Variants in FAF1 observed in about 807,000 individuals in gnomAD.
FAF1 encodes the protein Fas associated factor 1, also known as FAS-associated factor 1.
FAF1 carries 25 observed loss-of-function variants against 92.5 expected under a neutral mutation model. The observed-to-expected ratio is 0.27, with a 90% CI of 0.20 to 0.38. FAF1 has a LOEUF of 0.38. Among genes scored for constraint, FAF1 ranks in the 10% least tolerant of loss-of-function variants. FAF1 has a pLI of 1.00. For synonymous variants in FAF1, 234 were observed against 273.2 expected, an observed-to-expected ratio of 0.86 and a Z score of 1.42; for missense variants, 636 against 793.3, an observed-to-expected ratio of 0.80 and a Z score of 2.38.
chr1:50,754,629 T>C (rs1660003409), intron 4 of FAF1, among the ~76,000 whole-genome samples: 1 of 152,226 alleles, frequency 6.6e-6, no homozygotes, highest in Non-Finnish European at 1.5e-5. Context: ...ATTTGAACCA[T>C]AAGTTTCCCT....
At chr1:50,777,985 T>A (rs186012811) in intron 4 of FAF1, among the ~76,000 whole-genome samples, 1 of 152,340 alleles carries the variant, frequency 6.6e-6, no homozygotes, top group East Asian at 1.9e-4. Flanking sequence ...TGTTTATGTA[T>A]GCCAAAAACA....
intron 4 of FAF1, among the ~76,000 whole-genome samples, chr1:50,782,749 T>C (rs72690489): frequency 0.023 from 3,529 of 152,142 alleles, 67 homozygotes; most frequent in Non-Finnish European, 0.038. Context: ...TTAATTCTTA[T>C]TAAAGAAATA....
At chr1:50,702,967 G>T (rs767789580) in intron 7 of FAF1, among the ~76,000 whole-genome samples, 24 of 151,720 alleles carry the variant, frequency 1.6e-4, no homozygotes, top group Non-Finnish European at 2.7e-4. Flanking sequence ...GAAAAATAGT[G>T]CAAAGTTTTC....
intron 8 of FAF1, among the ~76,000 whole-genome samples, chr1:50,648,184 G>A (rs529673591): frequency 8.5e-5 from 13 of 152,266 alleles, no homozygotes; most frequent in East Asian, 7.7e-4. Flanking sequence ...CTCGAACCCC[G>A]GAGACAGAGG....
intron 2 of FAF1, among the ~76,000 whole-genome samples, chr1:50,839,205 T>C (rs1644237025): frequency 6.6e-6 from 1 of 152,154 alleles, no homozygotes; most frequent in Admixed American, 6.6e-5. Context: ...AGGAGTTCAT[T>C]TCATTTCTAC....
chr1:50,650,440 C>A (rs902564971), intron 8 of FAF1, among the ~76,000 whole-genome samples: 20 of 151,528 alleles, frequency 1.3e-4, no homozygotes, highest in African/African-American at 4.8e-4. Context: ...GCCAACACAG[C>A]GAAACCCTGT....
chr1:50,750,728 A>G (rs1659828516), intron 4 of FAF1, among the ~76,000 whole-genome samples: 2 of 146,378 alleles, frequency 1.4e-5, no homozygotes. Flanking sequence ...GGTTCAAGTG[A>G]TTTTCCTGCC....
At chr1:50,640,355 C>G (rs1400702893) in intron 8 of FAF1, among the ~76,000 whole-genome samples, 1 of 149,788 alleles carries the variant, frequency 6.7e-6, no homozygotes, top group African/African-American at 2.5e-5. Context: ...TGCAGTGGTG[C>G]GATCTCGGCT....
rs551755856 is a variant in FAF1 at position 50,642,830 on chromosome 1, T to C, written c.744+12612A>G. The stretch of plus-strand genomic sequence containing the variant: ...CCCATCTGTTCTCTGTTCCCTTTTT[T>C]TCTGTTTTCTTTTTTGTTGTTGTTG... On this transcript the variant is annotated intron_variant, in intron 8 of 18. Coordinates refer to ENST00000396153, the MANE Select transcript of FAF1 (RefSeq NM_007051.3). Among the ~76,000 whole-genome samples, 4 of 152,232 alleles carry C rather than the reference T, an allele frequency of 2.6e-5. No homozygotes were observed. In the South Asian group the frequency reaches 6.2e-4, roughly 24 times the overall value.
intron 15 of FAF1, among the ~76,000 whole-genome samples, chr1:50,523,525 G>T (rs1450475108): frequency 6.6e-6 from 1 of 152,144 alleles, no homozygotes; most frequent in South Asian, 2.1e-4. Flanking sequence ...CTGACATTGA[G>T]CATCTTTCCA....
At chr1:50,532,348 T>G (rs1329687634) in intron 15 of FAF1, among the ~76,000 whole-genome samples, 1 of 152,096 alleles carries the variant, frequency 6.6e-6, no homozygotes, top group Non-Finnish European at 1.5e-5. Context: ...GATGGAAAAA[T>G]GAACTGGGAA....
chr1:50,702,521 A>G (rs1657517368), intron 7 of FAF1, among the ~76,000 whole-genome samples: 1 of 151,990 alleles, frequency 6.6e-6, no homozygotes, highest in Non-Finnish European at 1.5e-5. Flanking sequence ...AACAGAAAAG[A>G]TTTTTCGTCT....
Position 50,441,433 on chromosome 1 carries a change from G to T in FAF1, c.*7C>A. The T allele has an allele frequency of 6.6e-7, 1 of 1,515,030 alleles. No individual in the cohort carries two copies. Among genetic ancestry groups the T allele is most frequent in the Non-Finnish European group, 8.9e-7 (1 of 1,121,534 alleles). The allele number at this position is 1,515,030 out of a possible 1,614,324, so 93.8% of individuals were successfully genotyped here. ...AAGGAATGGCTGGTTCCACCGCTGGGCCGTGTTTACTCTTTTGCTTCAAGG... is the reference window on the plus strand; with the variant it reads ...AAGGAATGGCTGGTTCCACCGCTGGTCCGTGTTTACTCTTTTGCTTCAAGG... On this transcript the variant is annotated 3_prime_UTR_variant, in exon 19 of 19. Coordinates refer to ENST00000396153, the MANE Select transcript of FAF1 (RefSeq NM_007051.3).
intron 2 of FAF1, among the ~76,000 whole-genome samples, chr1:50,843,819 C>A (rs1017939996): frequency 5.9e-5 from 9 of 152,052 alleles, no homozygotes; most frequent in African/African-American, 2.2e-4. Flanking sequence ...ATCTTGGCTA[C>A]TGTGAACAGT....
intron 18 of FAF1, chr1:50,471,077 T>C (rs1346995777): frequency 6.6e-6 from 1 of 152,236 alleles, no homozygotes; most frequent in Non-Finnish European, 1.5e-5. Context: ...GTATGAAGGC[T>C]GAAACAAGAG....
At chr1:50,876,425 C>T (rs773960796) in intron 1 of FAF1, among the ~76,000 whole-genome samples, 6 of 152,110 alleles carry the variant, frequency 3.9e-5, no homozygotes, top group Non-Finnish European at 8.8e-5. Context: ...ACAAGACGAA[C>T]CTGGAACACC....
chr1:50,632,872 T>C (rs150500578), intron 8 of FAF1, among the ~76,000 whole-genome samples: 23 of 152,298 alleles, frequency 1.5e-4, no homozygotes, highest in African/African-American at 4.6e-4. Flanking sequence ...CTATGATCTT[T>C]CCAGGTAAAA....
At chr1:50,521,327 T>C (rs115671571) in intron 15 of FAF1, among the ~76,000 whole-genome samples, 46 of 152,242 alleles carry the variant, frequency 3.0e-4, no homozygotes, top group African/African-American at 1.1e-3. Flanking sequence ...CCATGGGAAA[T>C]AAAAATTCAT....
At chr1:50,747,323 C>A (rs1375880704) in intron 4 of FAF1, among the ~76,000 whole-genome samples, 1 of 152,166 alleles carries the variant, frequency 6.6e-6, no homozygotes, top group Middle Eastern at 3.2e-3. Context: ...GCTTTGGGAG[C>A]CCACCCCTTG....
Sources: allele counts gnomAD v4.1 joint callset (sites outside exome capture counted in the v4.1 genomes callset), GRCh38; gene constraint gnomAD v4.1.1; transcripts MANE v1.5; gene names NCBI Gene and HGNC (gene_info 2026-07-23, HGNC 2026-07-21).